SUGCT: variants seen among roughly 807,000 people sequenced by gnomAD.
The protein encoded by SUGCT is succinyl-CoA:glutarate-CoA transferase.
A neutral mutation model predicts 55.0 loss-of-function variants in SUGCT; 41 were observed. That is an observed-to-expected ratio of 0.74 (90% CI 0.58 to 0.97). The LOEUF is 0.97. SUGCT is among the 50% of genes least tolerant of loss of function. The pLI is 0.00. For missense variants in SUGCT, 568 were observed against 547.8 expected, an observed-to-expected ratio of 1.04 and a Z score of -0.37; for synonymous variants, 187 against 200.4, an observed-to-expected ratio of 0.93 and a Z score of 0.56.
rs118146293 is a variant in SUGCT, at chr7:40,459,033, A to C, written c.889-68A>C. On this transcript the variant is annotated intron_variant, in intron 10 of 13. Transcript: ENST00000335693. ...GAGAAGGGAGAGATAGGACCTGAAC[A>C]CTAGCACCCACAGGCAGGTACAAGA... 8.0e-3 allele frequency: 7,817 copies of C among 971,716 alleles called. 304 individuals carry two copies. The Admixed American group carries it at 0.088, about 11-fold the overall frequency. The allele number at this position is 971,716 out of a possible 1,614,324, so 60.2% of individuals were successfully genotyped here.
the SUGCT span, among the ~76,000 whole-genome samples, chr7:40,950,268 G>A: frequency 6.6e-6 from 1 of 152,116 alleles, no homozygotes; most frequent in Non-Finnish European, 1.5e-5. Context: ...GTCTGTTATT[G>A]GTGTGTAAGA....
chr7:40,521,810 T>G (rs1292553324), intron 12 of SUGCT, among the ~76,000 whole-genome samples: 1 of 152,088 alleles, frequency 6.6e-6, no homozygotes, highest in East Asian at 1.9e-4. Context: ...GAAGAGATAG[T>G]GTCTTCATTT....
chr7:40,163,586 T>C lies in SUGCT; in HGVS notation c.101-17361T>C, dbSNP rs188984727. Reference sequence around the variant, plus strand: ...CGCCACTGCACTCCAGCCTGGGTGATAGAGCGAGACTCTGTCTCAGAAAAA... The same window carrying C: ...CGCCACTGCACTCCAGCCTGGGTGACAGAGCGAGACTCTGTCTCAGAAAAA... On this transcript the variant is annotated intron_variant, in intron 1 of 13. Transcript: ENST00000335693. 1.2e-3 allele frequency among the ~76,000 whole-genome samples: 181 copies of C among 145,906 alleles called. 2 individuals carry two copies. The highest frequency in any genetic ancestry group is 4.4e-3 in the African/African-American group (175 of 39,578).
At chr7:41,029,727 A>G in the SUGCT span, among the ~76,000 whole-genome samples, 10 of 152,316 alleles carry the variant, frequency 6.6e-5, no homozygotes, top group South Asian at 2.1e-3. Flanking sequence ...TACATTTGTT[A>G]TAATTGATGA....
intron 1 of SUGCT, among the ~76,000 whole-genome samples, chr7:40,158,425 T>A (rs182297529): frequency 4.9e-4 from 74 of 152,322 alleles, no homozygotes; most frequent in Non-Finnish European, 9.6e-4. Context: ...GAATATTGTT[T>A]TCTAGATACA....
chr7:40,727,730 A>G (rs917589456), intron 12 of SUGCT, among the ~76,000 whole-genome samples: 2 of 152,246 alleles, frequency 1.3e-5, no homozygotes, highest in African/African-American at 4.8e-5. Flanking sequence ...AACTATGTGC[A>G]GAAAGAGAAT....
chr7:40,786,721 A>AC (rs11453803), intron 13 of SUGCT, among the ~76,000 whole-genome samples: 51,786 of 151,882 alleles, frequency 0.34, 9,035 homozygotes, highest in South Asian at 0.47. Context: ...AATTAATCAT[A>AC]CCCCCTCACT....
the SUGCT span, among the ~76,000 whole-genome samples, chr7:40,952,701 C>T: frequency 6.6e-6 from 1 of 152,122 alleles, no homozygotes; most frequent in South Asian, 2.1e-4. Flanking sequence ...TTTATTTCTC[C>T]TTCACTTATG....
intron 11 of SUGCT, among the ~76,000 whole-genome samples, chr7:40,490,825 A>T (rs1048122260): frequency 6.6e-6 from 1 of 151,844 alleles, no homozygotes; most frequent in African/African-American, 2.4e-5. Context: ...TGAAATGTGA[A>T]TTTTTTTTCC....
chr7:40,446,481 A>G (rs749907851), intron 9 of SUGCT, among the ~76,000 whole-genome samples: 2 of 152,198 alleles, frequency 1.3e-5, no homozygotes, highest in Non-Finnish European at 2.9e-5. Flanking sequence ...GTTGAGAAAC[A>G]CTAATGCATT....
intron 9 of SUGCT, among the ~76,000 whole-genome samples, chr7:40,324,386 G>T (rs1203189113): frequency 6.6e-6 from 1 of 151,566 alleles, no homozygotes; most frequent in African/African-American, 2.4e-5. Flanking sequence ...CTCCCAAGTA[G>T]CTGGGATTAC....
chr7:41,003,418 A>G, the SUGCT span, among the ~76,000 whole-genome samples: 10 of 152,210 alleles, frequency 6.6e-5, no homozygotes, highest in Admixed American at 2.6e-4. Flanking sequence ...AAATAAAACA[A>G]AGAGCATGTA....
intron 12 of SUGCT, among the ~76,000 whole-genome samples, chr7:40,703,101 G>A (rs1584302183): frequency 9.2e-6 from 1 of 109,094 alleles, no homozygotes; most frequent in South Asian, 3.0e-4. Flanking sequence ...TCTCACTCTT[G>A]TTGCCCAGGC....
At position 40,248,886 on chromosome 7, in the gene SUGCT, T is replaced by TCACACACACA. The variant is rs1554296234; in HGVS notation, c.576+11161_576+11162insACACACACAC. Among the ~76,000 whole-genome samples the TCACACACACA allele has an allele frequency of 3.6e-5, 4 of 111,046 alleles. 1 individual carries two copies. The highest frequency in any genetic ancestry group is 7.2e-5 in the African/African-American group (2 of 27,828). The allele number at this position is 111,046 out of a possible 152,430, so 72.9% of individuals were successfully genotyped here. A position where few individuals can be genotyped will look rare whatever the true frequency, so the allele number is the denominator to read the frequency against. The stretch of plus-strand genomic sequence containing the variant: ...GGCTCTTTCCAGCGCGCGCGCGCGC[T>TCACACACACA]CGCACACACACACACACACACACGC... On this transcript the variant is annotated intron_variant, in intron 7 of 13. Coordinates refer to ENST00000335693, the MANE Select transcript of SUGCT (RefSeq NM_001193313.2).
rs762283927 is a variant in SUGCT at position 40,467,204 on chromosome 7, G to GAAAA, written c.986+8025_986+8028dup. Among the ~76,000 whole-genome samples, 270 of 83,592 alleles carry GAAAA rather than the reference G, an allele frequency of 3.2e-3. 1 individual carries two copies. Among genetic ancestry groups the GAAAA allele is most frequent in the Middle Eastern group, 8.3e-3 (1 of 120 alleles). 54.8% of individuals were successfully genotyped at this position (83,592 alleles called of 152,430 possible). ...CGACAGAGCAAGACTCTAAGAAAAA[G>GAAAA]AAAAAAAAAAAAAAAAAAAAAAGCA... On this transcript the variant is annotated intron_variant, in intron 11 of 13. Coordinates refer to ENST00000335693, the MANE Select transcript of SUGCT (RefSeq NM_001193313.2).
intron 12 of SUGCT, among the ~76,000 whole-genome samples, chr7:40,695,131 A>C (rs974560869): frequency 6.6e-6 from 1 of 151,906 alleles, no homozygotes; most frequent in African/African-American, 2.4e-5. Context: ...CATTTTAATC[A>C]TTTATTTCAT....
chr7:40,333,910 A>G (rs1796510377), intron 9 of SUGCT, among the ~76,000 whole-genome samples: 1 of 150,944 alleles, frequency 6.6e-6, no homozygotes, highest in African/African-American at 2.4e-5. Context: ...CACTCCCCGC[A>G]CCCCACGACA....
intron 8 of SUGCT, among the ~76,000 whole-genome samples, chr7:40,314,522 G>C (rs189407909): frequency 2.4e-4 from 36 of 148,396 alleles, no homozygotes; most frequent in African/African-American, 8.3e-4. Context: ...TCAGGAAGGG[G>C]TGTCAAGGGA....
chr7:40,504,704 G>A (rs906119168), intron 12 of SUGCT, among the ~76,000 whole-genome samples: 1 of 152,048 alleles, frequency 6.6e-6, no homozygotes, highest in Non-Finnish European at 1.5e-5. Flanking sequence ...AGAGTGCTGG[G>A]GTAACAGGTG....
Sources: gnomAD v4.1 joint callset for allele counts (sites outside exome capture counted in the v4.1 genomes callset) on GRCh38, gnomAD v4.1.1 for gene constraint, MANE v1.5 for transcripts, NCBI Gene and HGNC (gene_info 2026-07-23, HGNC 2026-07-21) for gene names.